BMERB1: variants seen among roughly 807,000 people sequenced by gnomAD.
BMERB1 encodes the protein bMERB domain containing 1, also known as bMERB domain-containing protein 1.
Under a neutral mutation model 23.6 loss-of-function variants are expected in BMERB1, and 12 were observed. The observed-to-expected ratio is 0.51, with a 90% CI of 0.33 to 0.82. The LOEUF is 0.82. BMERB1 is among the 40% of genes least tolerant of loss of function. BMERB1 has a pLI of 0.03. For missense variants in BMERB1, 247 were observed against 255.4 expected (o/e 0.97, Z 0.22); for synonymous variants, 122 against 96.6 (o/e 1.26, Z -1.54).
chr16:15,542,778 T>C (rs2052098610), intron 2 of BMERB1, among the ~76,000 whole-genome samples: 1 of 152,012 alleles, frequency 6.6e-6, no homozygotes, highest in Non-Finnish European at 1.5e-5. Context: ...GCAGGACTTG[T>C]GACAGGGGTG....
At chr16:15,527,034 T>C (rs2150957988) in intron 2 of BMERB1, among the ~76,000 whole-genome samples, 1 of 151,004 alleles carries the variant, frequency 6.6e-6, no homozygotes, top group South Asian at 2.1e-4. Flanking sequence ...TATGCACACT[T>C]ATATGTAGTT....
At chr16:15,497,924 C>G (rs2051489994) in intron 1 of BMERB1, among the ~76,000 whole-genome samples, 1 of 152,238 alleles carries the variant, frequency 6.6e-6, no homozygotes, top group South Asian at 2.1e-4. Context: ...CAATGCATAT[C>G]TCTCCAAACC....
intron 2 of BMERB1, among the ~76,000 whole-genome samples, chr16:15,562,259 C>T (rs181298947): frequency 1.0e-4 from 15 of 149,178 alleles, no homozygotes; most frequent in South Asian, 2.1e-4. Context: ...GCCAAGATCG[C>T]GCCATTGCAC....
chr16:15,492,123 C>A (rs2051426771), intron 1 of BMERB1, among the ~76,000 whole-genome samples: 1 of 152,190 alleles, frequency 6.6e-6, no homozygotes, highest in African/African-American at 2.4e-5. Context: ...GAAAGGAATT[C>A]CAGAGAGAGT....
At chr16:15,552,816 AGCATTCACCT>A (rs1462335498) in intron 2 of BMERB1, among the ~76,000 whole-genome samples, 1 of 152,234 alleles carries the variant, frequency 6.6e-6, no homozygotes, top group Non-Finnish European at 1.5e-5. Context: ...ATTGGTGAAC[AGCATTCACCT>A]CTCTGGGCAT....
chr16:15,497,845 A>G (rs887568478), intron 1 of BMERB1, among the ~76,000 whole-genome samples: 1 of 152,182 alleles, frequency 6.6e-6, no homozygotes, highest in Non-Finnish European at 1.5e-5. Flanking sequence ...ATTTGAGCAG[A>G]GTGGTTATCA....
chr16:15,454,968 A>G (rs879849649), intron 1 of BMERB1, among the ~76,000 whole-genome samples: 1 of 152,126 alleles, frequency 6.6e-6, no homozygotes, highest in Non-Finnish European at 1.5e-5. Flanking sequence ...GAGAAATCAC[A>G]CTCTGTGGTC....
intron 1 of BMERB1, among the ~76,000 whole-genome samples, chr16:15,463,373 C>T (rs1050259394): frequency 8.5e-5 from 13 of 152,118 alleles, no homozygotes; most frequent in Non-Finnish European, 1.8e-4. Flanking sequence ...GGATTGCAGG[C>T]ATAAGCTACA....
chr16:15,473,886 G>A (rs540302220), intron 1 of BMERB1, among the ~76,000 whole-genome samples: 32 of 152,028 alleles, frequency 2.1e-4, no homozygotes, highest in Middle Eastern at 3.4e-3. Context: ...TTGGGAGGCC[G>A]AGGCAGGCGG....
chr16:15,510,124 G>A (rs766001558), intron 1 of BMERB1, among the ~76,000 whole-genome samples: 3 of 152,148 alleles, frequency 2.0e-5, no homozygotes, highest in Admixed American at 6.5e-5. Context: ...TGGAGAGCGC[G>A]TGACCCTGCC....
Position 15,439,056 on chromosome 16 carries a change from CAG to C in BMERB1, c.106+4299_106+4300del, listed in dbSNP as rs544820727. ...AAACACTGAGTAGGTGTAAATTAAA[CAG>C]AATTGAAGAGGGGAGGGAGACTGCA... On this transcript the variant is annotated intron_variant, in intron 1 of 5. Coordinates refer to ENST00000300006, the MANE Select transcript of BMERB1 (RefSeq NM_033201.3). 1.2e-4 allele frequency among the ~76,000 whole-genome samples: 18 copies of C among 152,266 alleles called. No individual in the cohort carries two copies. The South Asian group carries it at 3.1e-3, about 26-fold the overall frequency.
At chr16:15,564,127 T>G (rs1190900806) in intron 2 of BMERB1, among the ~76,000 whole-genome samples, 2 of 152,234 alleles carry the variant, frequency 1.3e-5, no homozygotes, top group Non-Finnish European at 2.9e-5. Context: ...ATGTCCCATC[T>G]TCCAGCCAGC....
intron 1 of BMERB1, among the ~76,000 whole-genome samples, chr16:15,468,162 T>TTTTTTTTTTTTTTTTTTTTTTTTTTTTC (rs57267276): frequency 1.5e-5 from 1 of 64,532 alleles, no homozygotes; most frequent in East Asian, 5.2e-4. Context: ...TTTTTTTTTT[T>TTTTTTTTTTTTTTTTTTTTTTTTTTTTC]TGAGGCAGGG....
intron 1 of BMERB1, chr16:15,502,475 T>A: frequency 9.9e-7 from 1 of 1,008,938 alleles, no homozygotes; most frequent in Non-Finnish European, 1.5e-6. Context: ...AGTGACTTCA[T>A]CTCTTTGGGA....
At chr16:15,523,337 G>T (rs1381924320) in intron 2 of BMERB1, among the ~76,000 whole-genome samples, 1 of 152,262 alleles carries the variant, frequency 6.6e-6, no homozygotes, top group Non-Finnish European at 1.5e-5. Flanking sequence ...ATACAGGATG[G>T]GGGCATGGCA....
chr16:15,469,778 T>C (rs2051213711), intron 1 of BMERB1, among the ~76,000 whole-genome samples: 1 of 152,324 alleles, frequency 6.6e-6, no homozygotes, highest in South Asian at 2.1e-4. Context: ...TTAATTTTGG[T>C]TTCCACATGT....
chr16:15,495,958 ATGG>A (rs2051467914), intron 1 of BMERB1, among the ~76,000 whole-genome samples: 1 of 151,926 alleles, frequency 6.6e-6, no homozygotes, highest in African/African-American at 2.4e-5. Flanking sequence ...GATGGTGGTG[ATGG>A]TGGTGGTGGC....
chr16:15,507,967 TAC>T (rs2051612877), intron 1 of BMERB1, among the ~76,000 whole-genome samples: 2 of 152,156 alleles, frequency 1.3e-5, no homozygotes, highest in Non-Finnish European at 2.9e-5. Context: ...TCTAAAGCAA[TAC>T]AGTCTACTCA....
At chr16:15,450,265 T>G (rs749386476) in intron 1 of BMERB1, among the ~76,000 whole-genome samples, 1 of 152,042 alleles carries the variant, frequency 6.6e-6, no homozygotes, top group Non-Finnish European at 1.5e-5. Flanking sequence ...TCCCATGTCA[T>G]AAAATATTAT....
Sources: gnomAD v4.1 joint callset for allele counts (sites outside exome capture counted in the v4.1 genomes callset) on GRCh38, gnomAD v4.1.1 for gene constraint, MANE v1.5 for transcripts, NCBI Gene and HGNC (gene_info 2026-07-23, HGNC 2026-07-21) for gene names.